Variants in RHEX observed in about 807,000 individuals in gnomAD.
The protein encoded by RHEX is regulator of hemoglobinization and erythroid cell expansion protein.
Under a neutral mutation model 20.1 loss-of-function variants are expected in RHEX, and 18 were observed. That is an observed-to-expected ratio of 0.90 (90% CI 0.62 to 1.33). RHEX has a LOEUF of 1.33. Among genes scored for constraint, RHEX ranks in the 40% most tolerant of loss-of-function variants. The pLI, the probability that RHEX is intolerant of heterozygous loss-of-function variation, is 0.00. For synonymous variants in RHEX, 87 were observed against 77.1 expected (o/e 1.13, Z -0.67); for missense variants, 192 against 214.3 (o/e 0.90, Z 0.65).
At chr1:206,093,333 G>A (rs1390103564) in intron 1 of RHEX, among the ~76,000 whole-genome samples, 3 of 150,950 alleles carry the variant, frequency 2.0e-5, no homozygotes, top group Admixed American at 1.3e-4. Flanking sequence ...GTACAGTGGC[G>A]TGATCTCAGC....
At position 206,053,517 on chromosome 1, in the gene RHEX, T is replaced by A. The variant is rs28755008; in HGVS notation, c.-97+252T>A. Reference sequence around the variant, plus strand: ...CCTGTTTTTTTGTTTGTGGCATGTGTGTGGTGTGGGTGTGGTGTTTTGTCT... The same window carrying A: ...CCTGTTTTTTTGTTTGTGGCATGTGAGTGGTGTGGGTGTGGTGTTTTGTCT... On this transcript the variant is annotated intron_variant, in intron 1 of 5. Coordinates refer to ENST00000331555, the MANE Select transcript of RHEX (RefSeq NM_001007544.4). Among the ~76,000 whole-genome samples, 138 of 152,324 alleles carry A rather than the reference T, an allele frequency of 9.1e-4. 1 individual carries two copies. The East Asian group carries it at 0.01, about 11-fold the overall frequency.
intron 1 of RHEX, among the ~76,000 whole-genome samples, chr1:206,094,842 T>C (rs1663034544): frequency 6.6e-6 from 1 of 152,144 alleles, no homozygotes; most frequent in South Asian, 2.1e-4. Context: ...TCAGAATATA[T>C]TAAAATGTGG....
chr1:206,093,968 C>T (rs1178085424), intron 1 of RHEX, among the ~76,000 whole-genome samples: 7 of 152,048 alleles, frequency 4.6e-5, no homozygotes, highest in Admixed American at 2.0e-4. Flanking sequence ...CATGAGCCAC[C>T]GTGCCCAGCC....
intron 1 of RHEX, among the ~76,000 whole-genome samples, chr1:206,060,029 G>A (rs75699422): frequency 0.018 from 2,671 of 152,234 alleles, 81 homozygotes; most frequent in African/African-American, 0.061. Flanking sequence ...CCCTTGGTAA[G>A]AATGGTAGAG....
At chr1:206,087,298 G>T (rs1195082459) in intron 1 of RHEX, among the ~76,000 whole-genome samples, 1 of 152,176 alleles carries the variant, frequency 6.6e-6, no homozygotes, top group African/African-American at 2.4e-5. Flanking sequence ...AGCCAGGGTT[G>T]GCAAGACAAC....
chr1:206,090,202 CT>C (rs59499927), intron 1 of RHEX, among the ~76,000 whole-genome samples: 13,562 of 112,768 alleles, frequency 0.12, 470 homozygotes, highest in African/African-American at 0.25. Context: ...TCTTTTCTTT[CT>C]TTTTTTTTTT....
rs1663145795 is a variant in RHEX, at chr1:206,099,666, G to T, written c.124G>T (p.Glu42Ter). Residue 42 changes from glutamate to a stop codon, truncating the protein, a stop_gained, in exon 4 of 6, where the codon GAA (glutamate) becomes TAA (stop). Transcript: ENST00000331555. LOFTEE classifies it high-confidence loss of function. ...CCTCTCCCTTCCAGCCCACAAGAGT[G>T]AACAGATACTGAAAGCGGCCAGTCT... ...LLSRHMAHKS[E>*]QILKAASLQV... 1.9e-6 allele frequency: 3 copies of T among 1,613,812 alleles called. No individual in the cohort carries two copies. Among genetic ancestry groups the T allele is most frequent in the Non-Finnish European group, 2.5e-6 (3 of 1,179,958 alleles).
At chr1:206,091,774 C>T (rs74144319) in intron 1 of RHEX, among the ~76,000 whole-genome samples, 9,986 of 152,074 alleles carry the variant, frequency 0.066, 800 homozygotes, top group African/African-American at 0.18. Context: ...TGGAAAATAC[C>T]CAATGTTTGT....
chr1:206,102,088 AGAAAACT>A lies in RHEX; in HGVS notation c.*139_*145del. On this transcript the variant is annotated 3_prime_UTR_variant, in exon 6 of 6. Transcript: ENST00000331555. The stretch of plus-strand genomic sequence containing the variant: ...AGACAGGCCAAAAAGAATGTGGAGA[AGAAAACT>A]GATAAATACACAGAGGTCCTCAAGA... The A allele has an allele frequency of 1.3e-6, 1 of 741,756 alleles. No individual in the cohort carries two copies. Among genetic ancestry groups the A allele is most frequent in the African/African-American group, 1.7e-5 (1 of 57,672 alleles). The allele number at this position is 741,756 out of a possible 1,614,324, so 45.9% of individuals were successfully genotyped here. A position where few individuals can be genotyped will look rare whatever the true frequency, so the allele number is the denominator to read the frequency against.
At chr1:206,064,383 G>A (rs1553283833) in intron 1 of RHEX, among the ~76,000 whole-genome samples, 1 of 134,016 alleles carries the variant, frequency 7.5e-6, no homozygotes, top group Non-Finnish European at 1.6e-5. Context: ...CGTCCGGGAG[G>A]GAGGTGGGGG....
In RHEX at chr1:206,082,892, A is replaced by G. The variant is rs374804819; in HGVS notation, c.-96-14841A>G. 1.5e-4 allele frequency among the ~76,000 whole-genome samples: 23 copies of G among 152,186 alleles called. No homozygotes were observed. In the East Asian group the frequency reaches 1.5e-3, roughly 10 times the overall value. The stretch of plus-strand genomic sequence containing the variant: ...ATCTGGGTCATTTTATCCTCCTCCC[A>G]TTCTTCTTTCCTCTTAAGTTTCTAT... On this transcript the variant is annotated intron_variant, in intron 1 of 5. Coordinates refer to ENST00000331555, the MANE Select transcript of RHEX (RefSeq NM_001007544.4).
chr1:206,074,024 G>A (rs902291637), intron 1 of RHEX, among the ~76,000 whole-genome samples: 3 of 152,022 alleles, frequency 2.0e-5, no homozygotes, highest in African/African-American at 4.8e-5. Flanking sequence ...TCACTGCCTC[G>A]TACCCGCTCC....
In RHEX at chr1:206,099,668, ACAGATACTGAAAGCGGC is replaced by A; in HGVS notation, c.130_146del (p.Ile44SerfsTer32). Reference sequence around the variant, plus strand: ...TCTCCCTTCCAGCCCACAAGAGTGAACAGATACTGAAAGCGGCCAGTCTCCAGGTTCCCAGGCCCAGC... The same window carrying A: ...TCTCCCTTCCAGCCCACAAGAGTGAACAGTCTCCAGGTTCCCAGGCCCAGC... On this transcript the variant is annotated frameshift_variant, in exon 4 of 6. Transcript: ENST00000331555. LOFTEE classifies it high-confidence loss of function. 1 of 1,614,032 alleles carries A rather than the reference ACAGATACTGAAAGCGGC, an allele frequency of 6.2e-7. No individual in the cohort carries two copies. The highest frequency in any genetic ancestry group is 8.5e-7 in the Non-Finnish European group (1 of 1,180,000).
At chr1:206,100,369 G>A (rs782343904) in intron 4 of RHEX, among the ~76,000 whole-genome samples, 17 of 152,208 alleles carry the variant, frequency 1.1e-4, no homozygotes, top group Non-Finnish European at 1.9e-4. Flanking sequence ...TTGGCAACAA[G>A]GCAACTCCCT....
At chr1:206,062,840 G>A (rs1313700747) in intron 1 of RHEX, among the ~76,000 whole-genome samples, 4 of 152,238 alleles carry the variant, frequency 2.6e-5, no homozygotes, top group East Asian at 3.9e-4. Flanking sequence ...CCTTCTTTTC[G>A]TCATTCACAA....
chr1:206,101,708 C>T lies in RHEX; in HGVS notation c.319-44C>T, dbSNP rs1050837030. The T allele has an allele frequency of 2.7e-6, 4 of 1,462,674 alleles. 1 individual carries two copies. In the South Asian group the frequency reaches 3.5e-5, roughly 13 times the overall value. 90.6% of individuals were successfully genotyped at this position (1,462,674 alleles called of 1,614,324 possible). ...GTCCTGGGGTCTTATTTCCCCCAAA[C>T]GTGGTAGGGATCTTGACCCACATGT... On this transcript the variant is annotated intron_variant, in intron 5 of 5. Transcript: ENST00000331555.
At chr1:206,065,147 C>T (rs965236535) in intron 1 of RHEX, among the ~76,000 whole-genome samples, 1 of 152,132 alleles carries the variant, frequency 6.6e-6, no homozygotes, top group Admixed American at 6.5e-5. Flanking sequence ...TGCGGAAGGC[C>T]GCAGGGTCTT....
At chr1:206,064,026 G>A (rs1381841191) in intron 1 of RHEX, among the ~76,000 whole-genome samples, 2 of 150,004 alleles carry the variant, frequency 1.3e-5, no homozygotes, top group African/African-American at 4.9e-5. Context: ...GAGATGTGGG[G>A]AGCGCCTTTG....
intron 1 of RHEX, among the ~76,000 whole-genome samples, chr1:206,097,034 A>G (rs1385520414): frequency 1.3e-5 from 2 of 152,072 alleles, no homozygotes; most frequent in African/African-American, 4.8e-5. Flanking sequence ...CTCAGCCTCC[A>G]AAAGTGCTGG....
Sources: gnomAD v4.1 joint callset for allele counts (sites outside exome capture counted in the v4.1 genomes callset) on GRCh38, gnomAD v4.1.1 for gene constraint, MANE v1.5 for transcripts, NCBI Gene and HGNC (gene_info 2026-07-23, HGNC 2026-07-21) for gene names.